LARGE1: variants seen among roughly 807,000 people sequenced by gnomAD.
The protein encoded by LARGE1 is xylosyl- and glucuronyltransferase LARGE1.
A neutral mutation model predicts 87.6 loss-of-function variants in LARGE1; 43 were observed. The ratio of observed to expected loss-of-function variants is 0.49; its 90% confidence interval spans 0.38 to 0.63. LARGE1 has a LOEUF of 0.63. Among genes scored for constraint, LARGE1 ranks in the 30% least tolerant of loss-of-function variants. The pLI is 0.00. For missense variants in LARGE1, 802 were observed against 1,000.2 expected (o/e 0.80, Z 2.67); for synonymous variants, 434 against 394.6 (o/e 1.10, Z -1.18).
intron 7 of LARGE1, among the ~76,000 whole-genome samples, chr22:33,416,704 G>A (rs113956527): frequency 4.9e-4 from 75 of 151,832 alleles, no homozygotes; most frequent in African/African-American, 1.7e-3. Context: ...CCTGGGTTCA[G>A]GCGATTTTCT....
At chr22:33,830,403 G>A (rs1343471498) in intron 1 of LARGE1, among the ~76,000 whole-genome samples, 1 of 152,154 alleles carries the variant, frequency 6.6e-6, no homozygotes, top group Non-Finnish European at 1.5e-5. Flanking sequence ...TGAAGGAATT[G>A]TCAGGGACAC....
chr22:33,657,625 A>G (rs2081003867), intron 2 of LARGE1, among the ~76,000 whole-genome samples: 1 of 152,086 alleles, frequency 6.6e-6, no homozygotes, highest in African/African-American at 2.4e-5. Flanking sequence ...TTGGCCATAG[A>G]TTATGGATCC....
chr22:33,084,640 G>T, the LARGE1 span, among the ~76,000 whole-genome samples: 1 of 152,100 alleles, frequency 6.6e-6, no homozygotes, highest in Non-Finnish European at 1.5e-5. Flanking sequence ...GGGCAACAGA[G>T]TGAGACCTGG....
At chr22:33,391,159 C>A (rs1362848027) in intron 7 of LARGE1, among the ~76,000 whole-genome samples, 1 of 152,132 alleles carries the variant, frequency 6.6e-6, no homozygotes, top group Admixed American at 6.6e-5. Context: ...TAACCAATAT[C>A]CTCACATCCT....
intron 11 of LARGE1, among the ~76,000 whole-genome samples, chr22:33,223,795 C>T (rs1823894155): frequency 6.6e-6 from 1 of 152,184 alleles, no homozygotes; most frequent in Admixed American, 6.5e-5. Flanking sequence ...TTGACATTAT[C>T]TTACTTTAGG....
the LARGE1 span, among the ~76,000 whole-genome samples, chr22:33,088,504 G>C: frequency 6.6e-6 from 1 of 152,090 alleles, no homozygotes; most frequent in African/African-American, 2.4e-5. Flanking sequence ...AATCTGTCTC[G>C]GGCTGAATGC....
At chr22:33,849,282 C>A (rs2063517670) in intron 1 of LARGE1, among the ~76,000 whole-genome samples, 1 of 152,172 alleles carries the variant, frequency 6.6e-6, no homozygotes, top group Non-Finnish European at 1.5e-5. Flanking sequence ...ACATCTCAAC[C>A]ACCTGGGTGT....
rs945831289 is a variant in LARGE1 at position 33,826,577 on chromosome 22, G to T, written c.-82-65019C>A. 2.1e-4 allele frequency among the ~76,000 whole-genome samples: 32 copies of T among 151,932 alleles called. 1 individual carries two copies. The highest frequency in any genetic ancestry group is 7.7e-4 in the African/African-American group (32 of 41,368). On this transcript the variant is annotated intron_variant, in intron 1 of 14. Coordinates refer to ENST00000397394, the MANE Select transcript of LARGE1 (RefSeq NM_133642.5). ...AGGCTGGTCTCAAACTCCTGACGTT[G>T]TGATCCGCCCGCCTCGGCCTCCCCA...
intron 10 of LARGE1, among the ~76,000 whole-genome samples, chr22:33,333,778 G>A (rs1005923807): frequency 3.9e-5 from 6 of 152,266 alleles, no homozygotes; most frequent in South Asian, 4.1e-4. Flanking sequence ...TGTAGGAAAC[G>A]AACATATGAA....
At chr22:33,777,645 G>A (rs560651968) in intron 1 of LARGE1, among the ~76,000 whole-genome samples, 9 of 120,936 alleles carry the variant, frequency 7.4e-5, no homozygotes, top group African/African-American at 3.0e-4. Flanking sequence ...GGAGGGGAAG[G>A]GGGAGGGGGA....
At chr22:33,233,876 T>C (rs1043982287) in intron 11 of LARGE1, among the ~76,000 whole-genome samples, 3 of 152,230 alleles carry the variant, frequency 2.0e-5, no homozygotes, top group Non-Finnish European at 4.4e-5. Flanking sequence ...CCATCTTCAA[T>C]TGGTTCTTCC....
At chr22:33,350,501 G>T (rs939184854) in intron 9 of LARGE1, among the ~76,000 whole-genome samples, 1 of 152,214 alleles carries the variant, frequency 6.6e-6, no homozygotes, top group African/African-American at 2.4e-5. Flanking sequence ...GAAGGAAGCA[G>T]ATCCCACCTC....
intron 7 of LARGE1, among the ~76,000 whole-genome samples, chr22:33,425,373 T>A (rs1289338044): frequency 6.6e-6 from 1 of 152,166 alleles, no homozygotes; most frequent in Non-Finnish European, 1.5e-5. Flanking sequence ...AGAAAGTAAG[T>A]CCTCACCACA....
rs184028858 is a variant in LARGE1, at chr22:33,809,220, C to T, written c.-82-47662G>A. On this transcript the variant is annotated intron_variant, in intron 1 of 14. Transcript: ENST00000397394. The stretch of plus-strand genomic sequence containing the variant: ...CCAGGAGGCAGAGGCTGCGGTGAGC[C>T]GAGATTGCGCCACTGCACACCAGCC... 4.7e-3 allele frequency among the ~76,000 whole-genome samples: 710 copies of T among 151,000 alleles called. 4 individuals carry two copies. Among genetic ancestry groups the T allele is most frequent in the Non-Finnish European group, 7.5e-3 (509 of 67,918 alleles).
At chr22:33,625,113 C>T (rs1602785026) in intron 4 of LARGE1, among the ~76,000 whole-genome samples, 1 of 152,196 alleles carries the variant, frequency 6.6e-6, no homozygotes, top group South Asian at 2.1e-4. Context: ...AAACTTTTCA[C>T]CACTATTCCT....
intron 11 of LARGE1, among the ~76,000 whole-genome samples, chr22:33,171,245 T>C (rs911716198): frequency 6.6e-6 from 1 of 152,168 alleles, no homozygotes; most frequent in East Asian, 1.9e-4. Flanking sequence ...AAGAGATGGT[T>C]TGAAATTGGA....
intron 1 of LARGE1, among the ~76,000 whole-genome samples, chr22:33,796,764 G>C (rs1185827441): frequency 7.0e-6 from 1 of 143,596 alleles, no homozygotes; most frequent in African/African-American, 2.6e-5. Context: ...AGTAAGACTT[G>C]GGCTTTTTTT....
intron 2 of LARGE1, among the ~76,000 whole-genome samples, chr22:33,675,769 T>C (rs935163833): frequency 6.6e-6 from 1 of 152,196 alleles, no homozygotes; most frequent in Non-Finnish European, 1.5e-5. Context: ...TGACCCAAAC[T>C]GCTTTATAGG....
the LARGE1 span, among the ~76,000 whole-genome samples, chr22:33,131,640 C>A: frequency 2.6e-5 from 4 of 152,138 alleles, no homozygotes; most frequent in Non-Finnish European, 4.4e-5. Flanking sequence ...ATAAAACCAT[C>A]AGATCTGTGA....
Sources: gnomAD v4.1 joint callset for allele counts (sites outside exome capture counted in the v4.1 genomes callset) on GRCh38, gnomAD v4.1.1 for gene constraint, MANE v1.5 for transcripts, NCBI Gene and HGNC (gene_info 2026-07-23, HGNC 2026-07-21) for gene names.